TTC28: variants seen among roughly 807,000 people sequenced by gnomAD.
TTC28 encodes tetratricopeptide repeat protein 28.
A neutral mutation model predicts 198.0 loss-of-function variants in TTC28; 61 were observed. The ratio of observed to expected loss-of-function variants is 0.31; its 90% CI spans 0.25 to 0.38. The LOEUF is 0.38. Among genes scored for constraint, TTC28 ranks in the 10% least tolerant of loss-of-function variants. The pLI is 1.00. For synonymous variants in TTC28, 1,171 were observed against 1,297.8 expected, an observed-to-expected ratio of 0.90 and a Z score of 2.10; for missense variants, 2,678 against 3,164.0, an observed-to-expected ratio of 0.85 and a Z score of 3.69.
chr22:28,370,325 TG>T (rs2046313521), intron 2 of TTC28, among the ~76,000 whole-genome samples: 2 of 152,188 alleles, frequency 1.3e-5, no homozygotes, highest in Non-Finnish European at 2.9e-5. Context: ...GCTTCCTTGG[TG>T]GGTGAGCTAG....
intron 2 of TTC28, among the ~76,000 whole-genome samples, chr22:28,314,136 C>G (rs530184951): frequency 6.6e-6 from 1 of 152,180 alleles, no homozygotes; most frequent in South Asian, 2.1e-4. Context: ...AATAAAATAC[C>G]TAGGAATATA....
At chr22:28,549,783 T>C (rs1286277191) in intron 2 of TTC28, among the ~76,000 whole-genome samples, 1 of 152,212 alleles carries the variant, frequency 6.6e-6, no homozygotes, top group Non-Finnish European at 1.5e-5. Flanking sequence ...AAAATGTGCT[T>C]GATTTGCTAA....
intron 6 of TTC28, among the ~76,000 whole-genome samples, chr22:28,152,118 C>T (rs1241570977): frequency 6.6e-6 from 1 of 152,168 alleles, no homozygotes; most frequent in Non-Finnish European, 1.5e-5. Flanking sequence ...AACCACATAG[C>T]TTTGTAATGA....
At chr22:28,346,800 T>C (rs1270794196) in intron 2 of TTC28, among the ~76,000 whole-genome samples, 2 of 152,090 alleles carry the variant, frequency 1.3e-5, no homozygotes, top group Non-Finnish European at 2.9e-5. Flanking sequence ...TTCTGGGAGA[T>C]AGGGTAGGAA....
intron 2 of TTC28, among the ~76,000 whole-genome samples, chr22:28,573,458 A>C (rs1349853966): frequency 6.6e-6 from 1 of 151,924 alleles, no homozygotes; most frequent in Non-Finnish European, 1.5e-5. Context: ...GTCTCAAAAA[A>C]ATAAAAAATA....
intron 2 of TTC28, among the ~76,000 whole-genome samples, chr22:28,310,853 C>G (rs375022456): frequency 8.6e-5 from 13 of 151,008 alleles, no homozygotes; most frequent in African/African-American, 3.2e-4. Context: ...AGTCTCAGCT[C>G]GCTGCAACCT....
At chr22:28,662,509 A>T (rs2051764729) in intron 1 of TTC28, among the ~76,000 whole-genome samples, 1 of 152,236 alleles carries the variant, frequency 6.6e-6, no homozygotes, top group African/African-American at 2.4e-5. Flanking sequence ...CTACTTCATA[A>T]AGTTGTGAGA....
At chr22:28,411,187 T>A (rs1401095648) in intron 2 of TTC28, among the ~76,000 whole-genome samples, 1 of 152,172 alleles carries the variant, frequency 6.6e-6, no homozygotes, top group Non-Finnish European at 1.5e-5. Context: ...TTCTAATAGG[T>A]TTTAGATTAA....
At chr22:28,351,343 T>C (rs1432654236) in intron 2 of TTC28, among the ~76,000 whole-genome samples, 3 of 152,102 alleles carry the variant, frequency 2.0e-5, no homozygotes, top group Non-Finnish European at 4.4e-5. Context: ...GGTATTTTAG[T>C]CCACCCAAAA....
intron 2 of TTC28, among the ~76,000 whole-genome samples, chr22:28,335,603 G>A (rs1318115321): frequency 6.6e-6 from 1 of 152,106 alleles, no homozygotes; most frequent in African/African-American, 2.4e-5. Flanking sequence ...TGAAGCAATT[G>A]TGAATGGGAG....
At chr22:28,371,509 C>CAAAAAAAAAAAAAAA (rs1229801209) in intron 2 of TTC28, among the ~76,000 whole-genome samples, 82 of 6,102 alleles carry the variant, frequency 0.013, 20 homozygotes, top group Admixed American at 0.023. Context: ...GACCCTGTCT[C>CAAAAAAAAAAAAAAA]AAAAAAAAAA....
At chr22:28,617,821 T>C (rs1283286232) in intron 2 of TTC28, among the ~76,000 whole-genome samples, 1 of 152,222 alleles carries the variant, frequency 6.6e-6, no homozygotes, top group Non-Finnish European at 1.5e-5. Context: ...ATTGTTCTCC[T>C]GGCCAAAAGC....
chr22:28,498,263 G>T (rs953186611), intron 2 of TTC28, among the ~76,000 whole-genome samples: 2 of 152,130 alleles, frequency 1.3e-5, no homozygotes, highest in Non-Finnish European at 2.9e-5. Flanking sequence ...CCACGATAAG[G>T]TTCAACCCTA....
chr22:28,034,901 G>A (rs952840085), intron 12 of TTC28, among the ~76,000 whole-genome samples: 1 of 152,036 alleles, frequency 6.6e-6, no homozygotes, highest in Non-Finnish European at 1.5e-5. Context: ...GCCGTCACCA[G>A]AGGCAGGCTC....
chr22:28,081,642 G>A (rs1423629649), intron 12 of TTC28, among the ~76,000 whole-genome samples: 4 of 151,960 alleles, frequency 2.6e-5, no homozygotes, highest in South Asian at 2.1e-4. Flanking sequence ...ACAGGCGTGC[G>A]CCACCTTGCC....
intron 12 of TTC28, among the ~76,000 whole-genome samples, chr22:28,042,002 G>C (rs1939657518): frequency 6.6e-6 from 1 of 152,168 alleles, no homozygotes; most frequent in Non-Finnish European, 1.5e-5. Flanking sequence ...CTGGTCATTA[G>C]AAAAATGCAA....
chr22:28,296,390 C>T (rs989409686), intron 4 of TTC28, 62 bp from the exon 5 acceptor site: 2 of 1,289,976 alleles, frequency 1.6e-6, no homozygotes, highest in African/African-American at 3.0e-5. Flanking sequence ...TTATTTATAA[C>T]ATATAATGGT....
intron 5 of TTC28, among the ~76,000 whole-genome samples, chr22:28,171,587 AC>A (rs1922680056): frequency 6.7e-6 from 1 of 150,262 alleles, no homozygotes; most frequent in African/African-American, 2.5e-5. Context: ...GACTGAGGAA[AC>A]TTTTTTAAAC....
At chr22:28,674,245 T>C (rs1601685101) in intron 1 of TTC28, among the ~76,000 whole-genome samples, 1 of 150,644 alleles carries the variant, frequency 6.6e-6, no homozygotes, top group East Asian at 1.9e-4. Context: ...GGGGTTTCTG[T>C]TTGTGGTTTT....
Sources: gnomAD v4.1 joint callset for allele counts (sites outside exome capture counted in the v4.1 genomes callset) on GRCh38, gnomAD v4.1.1 for gene constraint, MANE v1.5 for transcripts, NCBI Gene and HGNC (gene_info 2026-07-23, HGNC 2026-07-21) for gene names.